ROPN1L: variants seen among roughly 807,000 people sequenced by gnomAD.
ROPN1L encodes rhophilin associated tail protein 1 like.
Under a neutral mutation model 22.7 loss-of-function variants are expected in ROPN1L, and 23 were observed. The observed-to-expected ratio is 1.01, with a 90% CI of 0.73 to 1.43. The LOEUF is 1.43. Among genes scored for constraint, ROPN1L ranks in the 40% most tolerant of loss-of-function variants. ROPN1L has a pLI of 0.00. For missense variants in ROPN1L, 271 were observed against 291.5 expected (o/e 0.93, Z 0.51); for synonymous variants, 116 against 117.8 (o/e 0.98, Z 0.10).
At chr5:10,443,388 C>T (rs554371388) in intron 1 of ROPN1L, among the ~76,000 whole-genome samples, 772 of 151,528 alleles carry the variant, frequency 5.1e-3, no homozygotes, top group Middle Eastern at 0.01. Flanking sequence ...TTTGGGAGGC[C>T]GAGGCGGGTG....
downstream of ROPN1L, among the ~76,000 whole-genome samples, chr5:10,472,700 T>G (rs564442163): frequency 1.4e-4 from 22 of 152,298 alleles, no homozygotes; most frequent in South Asian, 3.3e-3. Context: ...ACAGGGCGTG[T>G]TCACCAGGAG....
At chr5:10,443,600 GC>G (rs1057392430) in intron 1 of ROPN1L, among the ~76,000 whole-genome samples, 3 of 150,826 alleles carry the variant, frequency 2.0e-5, no homozygotes, top group African/African-American at 7.4e-5. Flanking sequence ...CCGCAGTCCG[GC>G]CCGGGCGACA....
intron 4 of ROPN1L, among the ~76,000 whole-genome samples, chr5:10,462,231 C>T (rs1217233722): frequency 6.6e-6 from 1 of 152,194 alleles, no homozygotes; most frequent in African/African-American, 2.4e-5. Flanking sequence ...TTTGGAGATT[C>T]CACAGATTTT....
chr5:10,442,129 C>G lies in ROPN1L; in HGVS notation c.-39C>G, dbSNP rs1452823412. ...ACAGCCGCCCTTCTTCCTCGCAGCG[C>G]GCCGCGATTCACCAGCCTGGTCCCT... is the stretch of plus-strand genomic sequence containing the variant. On this transcript the variant is annotated 5_prime_UTR_variant, in exon 1 of 5. Coordinates refer to ENST00000274134, the MANE Select transcript of ROPN1L (RefSeq NM_031916.5). The G allele has an allele frequency of 1.9e-6, 3 of 1,586,102 alleles. No individual in the cohort carries two copies. The highest frequency in any genetic ancestry group is 3.4e-5 in the Admixed American group (2 of 58,982).
intron 1 of ROPN1L, 137 bp from the exon 2 acceptor site, chr5:10,448,123 G>A: frequency 2.1e-6 from 2 of 944,862 alleles, no homozygotes; most frequent in East Asian, 2.5e-5. Context: ...GGAGGAACCA[G>A]GACATAAGCC....
intron 3 of ROPN1L, among the ~76,000 whole-genome samples, chr5:10,458,279 G>A (rs897908760): frequency 2.6e-5 from 4 of 151,816 alleles, no homozygotes; most frequent in African/African-American, 9.7e-5. Context: ...CTCCCTCCTG[G>A]CTGCGCCTTT....
intron 1 of ROPN1L, among the ~76,000 whole-genome samples, chr5:10,443,818 C>T (rs1374285937): frequency 1.3e-5 from 2 of 152,180 alleles, no homozygotes; most frequent in East Asian, 1.9e-4. Context: ...TGGCTCATGT[C>T]CCCTTCCTCC....
In ROPN1L at chr5:10,442,135, G is replaced by T; in HGVS notation, c.-33G>T. 1 of 1,587,134 alleles carries T rather than the reference G, an allele frequency of 6.3e-7. No individual in the cohort carries two copies. The highest frequency in any genetic ancestry group is 1.1e-5 in the South Asian group (1 of 89,874). The stretch of plus-strand genomic sequence containing the variant: ...GCCCTTCTTCCTCGCAGCGCGCCGC[G>T]ATTCACCAGCCTGGTCCCTTCTGCG... On this transcript the variant is annotated 5_prime_UTR_variant, in exon 1 of 5. Coordinates refer to ENST00000274134, the MANE Select transcript of ROPN1L (RefSeq NM_031916.5).
chr5:10,463,108 G>A lies in ROPN1L; in HGVS notation c.594-1740G>A, dbSNP rs571291677. Among the ~76,000 whole-genome samples the A allele has an allele frequency of 6.6e-5, 10 of 152,278 alleles. No individual in the cohort carries two copies. In the South Asian group the frequency reaches 1.9e-3, roughly 28 times the overall value. ...ACTTGCTATATGACCCCGACACATT[G>A]CATGTTATGTTGTATTTGCACCAGG... On this transcript the variant is annotated intron_variant, in intron 4 of 4. Transcript: ENST00000274134.
chr5:10,457,047 AT>A (rs1741443153), intron 3 of ROPN1L, among the ~76,000 whole-genome samples: 2 of 152,246 alleles, frequency 1.3e-5, no homozygotes, highest in Non-Finnish European at 2.9e-5. Flanking sequence ...AGGAACATGG[AT>A]TGTGAAATAC....
At chr5:10,453,726 ACT>A (rs888921555) in intron 3 of ROPN1L, among the ~76,000 whole-genome samples, 2 of 151,992 alleles carry the variant, frequency 1.3e-5, no homozygotes, top group Admixed American at 6.5e-5. Context: ...CTTAGAAATC[ACT>A]CTAGTCAAAT....
chr5:10,481,126 C>T, the ROPN1L span, among the ~76,000 whole-genome samples: 40 of 152,136 alleles, frequency 2.6e-4, no homozygotes, highest in African/African-American at 7.2e-4. Flanking sequence ...CCTAATGACA[C>T]GAGACTCCCG....
At chr5:10,457,561 C>T (rs539470583) in intron 3 of ROPN1L, among the ~76,000 whole-genome samples, 5 of 152,338 alleles carry the variant, frequency 3.3e-5, no homozygotes, top group South Asian at 4.1e-4. Flanking sequence ...GTCTGCTCCT[C>T]GCAGTAACCA....
chr5:10,453,206 C>T (rs577955545), intron 3 of ROPN1L, among the ~76,000 whole-genome samples: 2 of 152,334 alleles, frequency 1.3e-5, no homozygotes, highest in African/African-American at 4.8e-5. Context: ...AAGCTGACCT[C>T]TCCTCCCTCA....
At chr5:10,453,723 A>G (rs1741328575) in intron 3 of ROPN1L, among the ~76,000 whole-genome samples, 1 of 152,176 alleles carries the variant, frequency 6.6e-6, no homozygotes, top group Admixed American at 6.5e-5. Flanking sequence ...TATCTTAGAA[A>G]TCACTCTAGT....
At chr5:10,479,903 C>T in the ROPN1L span, among the ~76,000 whole-genome samples, 2 of 152,158 alleles carry the variant, frequency 1.3e-5, no homozygotes, top group South Asian at 2.1e-4. Context: ...CGCCACCACG[C>T]CTGGCTAATT....
At chr5:10,473,270 A>G (rs1424519047), downstream of ROPN1L, among the ~76,000 whole-genome samples, 3 of 152,168 alleles carry the variant, frequency 2.0e-5, no homozygotes, top group Non-Finnish European at 2.9e-5. Flanking sequence ...TCGTTAATTT[A>G]AGGATCACAA....
intron 3 of ROPN1L, among the ~76,000 whole-genome samples, chr5:10,455,426 C>G (rs1397156028): frequency 6.6e-6 from 1 of 152,226 alleles, no homozygotes; most frequent in Non-Finnish European, 1.5e-5. Flanking sequence ...AGGAAGCTGT[C>G]CCTGAAGACG....
At chr5:10,456,682 A>G (rs1473500904) in intron 3 of ROPN1L, among the ~76,000 whole-genome samples, 1 of 152,224 alleles carries the variant, frequency 6.6e-6, no homozygotes, top group Non-Finnish European at 1.5e-5. Context: ...ATGTTAAGAA[A>G]TGTGACTCGC....
Sources: allele counts gnomAD v4.1 joint callset (sites outside exome capture counted in the v4.1 genomes callset), GRCh38; gene constraint gnomAD v4.1.1; transcripts MANE v1.5; gene names NCBI Gene and HGNC (gene_info 2026-07-23, HGNC 2026-07-21).